The following BAIAP2 variants were observed in gnomAD, a reference collection of about 807,000 sequenced individuals.
The protein encoded by BAIAP2 is BAR/IMD domain-containing adapter protein 2.
Under a neutral mutation model 63.0 loss-of-function variants are expected in BAIAP2, and 18 were observed. The ratio of observed to expected loss-of-function variants is 0.29; its 90% CI spans 0.20 to 0.42. The LOEUF is 0.42. Among genes scored for constraint, BAIAP2 ranks in the 10% least tolerant of loss-of-function variants. The pLI is 1.00. For synonymous variants in BAIAP2, 386 were observed against 307.6 expected (o/e 1.25, Z -2.67); for missense variants, 610 against 734.3 (o/e 0.83, Z 1.96).
rs1414318373 is a variant in BAIAP2, at chr17:81,057,878, C to T, written c.131-3C>T. On this transcript the variant is annotated splice_polypyrimidine_tract_variant and splice_region_variant and intron_variant, in intron 2 of 13. Transcript: ENST00000428708. ...ATAACTGCTCCCTTTTCTTCTCTCT[C>T]AGGTGTGACGTATGCAGCCAAAGGC... The T allele has an allele frequency of 1.2e-6, 2 of 1,607,148 alleles. No individual in the cohort carries two copies. Among genetic ancestry groups the T allele is most frequent in the Admixed American group, 1.7e-5 (1 of 59,172 alleles).
At chr17:81,069,647 G>A (rs986246095) in intron 3 of BAIAP2, among the ~76,000 whole-genome samples, 3 of 152,162 alleles carry the variant, frequency 2.0e-5, no homozygotes, top group African/African-American at 2.4e-5. Flanking sequence ...AAAGCCTGGC[G>A]GGGGGCGTGG....
intron 3 of BAIAP2, chr17:81,076,467 AG>A (rs1167072698): frequency 6.6e-6 from 1 of 152,230 alleles, no homozygotes; most frequent in Non-Finnish European, 1.5e-5. Flanking sequence ...TGTGCTTGCC[AG>A]GAGACATTTC....
chr17:81,045,156 T>A (rs967090390), intron 1 of BAIAP2, among the ~76,000 whole-genome samples: 1 of 152,226 alleles, frequency 6.6e-6, no homozygotes, highest in Non-Finnish European at 1.5e-5. Flanking sequence ...TGTGGACCTC[T>A]GCTCCTTGGG....
At chr17:81,109,062 GT>G in intron 13 of BAIAP2, 1 of 1,507,840 alleles carries the variant, frequency 6.6e-7, no homozygotes, top group Non-Finnish European at 8.9e-7. Flanking sequence ...GGTCTCGTCC[GT>G]TTTCCTCCTC....
At chr17:81,062,683 CTTTCCT>C (rs897286263) in intron 3 of BAIAP2, among the ~76,000 whole-genome samples, 2 of 108,410 alleles carry the variant, frequency 1.8e-5, no homozygotes, top group African/African-American at 6.8e-5. Flanking sequence ...TTGTCTTTTT[CTTTCCT>C]TTTTTTTTTT....
At chr17:81,069,963 T>A (rs2052284322) in intron 3 of BAIAP2, among the ~76,000 whole-genome samples, 1 of 152,084 alleles carries the variant, frequency 6.6e-6, no homozygotes, top group Admixed American at 6.5e-5. Context: ...GTTGTTGTTG[T>A]CTTTTCCCCC....
At chr17:81,071,617 C>T (rs1357954674) in intron 3 of BAIAP2, among the ~76,000 whole-genome samples, 1 of 152,246 alleles carries the variant, frequency 6.6e-6, no homozygotes, top group African/African-American at 2.4e-5. Context: ...TTTCTGTGCC[C>T]TCAGTGTCCA....
intron 1 of BAIAP2, among the ~76,000 whole-genome samples, chr17:81,042,072 C>T (rs2047150342): frequency 6.6e-6 from 1 of 151,728 alleles, no homozygotes; most frequent in Non-Finnish European, 1.5e-5. Context: ...GAGTATGTCT[C>T]TGAGATTTTC....
chr17:81,105,753 G>T, intron 10 of BAIAP2: 1 of 276,286 alleles, frequency 3.6e-6, no homozygotes, highest in Non-Finnish European at 7.0e-6. Context: ...CTCCAATCTT[G>T]GTGCCATCCG....
chr17:81,113,007 A>G lies in BAIAP2; in HGVS notation c.1536-2763A>G, dbSNP rs374711301. 1.4e-4 allele frequency among the ~76,000 whole-genome samples: 21 copies of G among 152,310 alleles called. No individual in the cohort carries two copies. The South Asian group carries it at 2.9e-3, about 21-fold the overall frequency. ...GAGGTGGAGGTTGCAGTGAGCTACA[A>G]TTGCACCACTGCATTCCAGCCCGGA... On this transcript the variant is annotated intron_variant, in intron 13 of 13. Coordinates refer to ENST00000428708, the MANE Select transcript of BAIAP2 (RefSeq NM_001144888.2).
chr17:81,084,565 GTC>G (rs138193926), intron 3 of BAIAP2, among the ~76,000 whole-genome samples: 198 of 152,306 alleles, frequency 1.3e-3, no homozygotes, highest in Non-Finnish European at 2.5e-3. Flanking sequence ...GGCTCTTCCT[GTC>G]TCTCGCCTTT....
intron 6 of BAIAP2, 91 bp downstream of exon 6, chr17:81,086,671 G>GC (rs1308887631): frequency 2.0e-6 from 3 of 1,472,224 alleles, no homozygotes; most frequent in Non-Finnish European, 1.9e-6. Context: ...GTGGACAGCA[G>GC]CCCCCCAGGT....
At chr17:81,041,342 C>T (rs2047045603) in intron 1 of BAIAP2, among the ~76,000 whole-genome samples, 3 of 152,314 alleles carry the variant, frequency 2.0e-5, no homozygotes, top group South Asian at 2.1e-4. Flanking sequence ...TTGGTATCCT[C>T]AGTGCTCTAG....
At chr17:81,047,768 A>G (rs2048040944) in intron 1 of BAIAP2, among the ~76,000 whole-genome samples, 1 of 151,152 alleles carries the variant, frequency 6.6e-6, no homozygotes, top group Non-Finnish European at 1.5e-5. Context: ...TCATGCCCAC[A>G]GCACACACAC....
chr17:81,095,057 G>C (rs117977460), intron 6 of BAIAP2, among the ~76,000 whole-genome samples: 3 of 152,236 alleles, frequency 2.0e-5, no homozygotes, highest in African/African-American at 4.8e-5. Flanking sequence ...CTCTGATCAC[G>C]GGGCTGTTCA....
chr17:81,095,366 G>A (rs546728259), intron 6 of BAIAP2, among the ~76,000 whole-genome samples: 32 of 152,286 alleles, frequency 2.1e-4, no homozygotes, highest in African/African-American at 7.5e-4. Flanking sequence ...GGTCACAGTT[G>A]GCCGGGCCCT....
chr17:81,083,115 G>C (rs904247705), intron 3 of BAIAP2: 1 of 152,306 alleles, frequency 6.6e-6, no homozygotes, highest in African/African-American at 2.4e-5. Flanking sequence ...CCCAAGGCCA[G>C]CCCAGCCGTG....
chr17:81,055,370 G>A (rs1225197064), intron 2 of BAIAP2, among the ~76,000 whole-genome samples: 1 of 152,050 alleles, frequency 6.6e-6, no homozygotes, highest in African/African-American at 2.4e-5. Context: ...GGGCATGAAT[G>A]GGACAGGGAG....
At position 81,099,916 on chromosome 17, in the gene BAIAP2, T is replaced by TTCCCTC; in HGVS notation, c.490-11_490-6dup. ...CATCGCTGGCTGAGCCTTTCTCCCTTTCCCTCCACAGTACATCGACGCCAT... is the reference window on the plus strand; with the variant it reads ...CATCGCTGGCTGAGCCTTTCTCCCTTTCCCTCTCCCTCCACAGTACATCGACGCCAT... On this transcript the variant is annotated splice_polypyrimidine_tract_variant and intron_variant, in intron 6 of 13. Coordinates refer to ENST00000428708, the MANE Select transcript of BAIAP2 (RefSeq NM_001144888.2). 1 of 1,610,584 alleles carries TTCCCTC rather than the reference T, an allele frequency of 6.2e-7. No homozygotes were observed. The highest frequency in any genetic ancestry group is 8.5e-7 in the Non-Finnish European group (1 of 1,178,146).
Sources: allele counts gnomAD v4.1 joint callset (sites outside exome capture counted in the v4.1 genomes callset), GRCh38; gene constraint gnomAD v4.1.1; transcripts MANE v1.5; gene names NCBI Gene and HGNC (gene_info 2026-07-23, HGNC 2026-07-21).